The following NOVA1 variants were observed in gnomAD, a reference collection of about 807,000 sequenced individuals.
NOVA1 encodes the protein NOVA alternative splicing regulator 1.
In NOVA1, 7 loss-of-function variants were observed where a neutral mutation model predicts 38.0. The ratio of observed to expected loss-of-function variants is 0.18; its 90% confidence interval spans 0.10 to 0.35. The LOEUF is 0.35. Among genes scored for constraint, NOVA1 ranks in the 10% least tolerant of loss-of-function variants. The pLI, the probability that NOVA1 is intolerant of heterozygous loss-of-function variation, is 1.00. For synonymous variants in NOVA1, 270 were observed against 232.5 expected (o/e 1.16, Z -1.47); for missense variants, 460 against 616.0 (o/e 0.75, Z 2.68).
At chr14:26,522,051 ATG>A (rs1269221833) in intron 2 of NOVA1, among the ~76,000 whole-genome samples, 1 of 152,094 alleles carries the variant, frequency 6.6e-6, no homozygotes, top group Non-Finnish European at 1.5e-5. Flanking sequence ...TGAAAATGAA[ATG>A]TCTTTCACAA....
chr14:26,546,567 A>AT (rs1194908562), intron 2 of NOVA1, among the ~76,000 whole-genome samples: 1 of 152,180 alleles, frequency 6.6e-6, no homozygotes, highest in Non-Finnish European at 1.5e-5. Flanking sequence ...GCAATGAAAA[A>AT]TATATTGCCA....
chr14:26,496,874 C>T lies in NOVA1; in HGVS notation c.281-16731G>A, dbSNP rs571181429. On this transcript the variant is annotated intron_variant, in intron 2 of 4. Coordinates refer to ENST00000539517, the MANE Select transcript of NOVA1 (RefSeq NM_002515.3). Reference sequence around the variant, plus strand: ...CTATATCTCTGTTTTGGTACCAGTACCATGCTGTTTTGGTTACTGTAGCCT... The same window carrying T: ...CTATATCTCTGTTTTGGTACCAGTATCATGCTGTTTTGGTTACTGTAGCCT... 2.5e-3 allele frequency among the ~76,000 whole-genome samples: 384 copies of T among 152,160 alleles called. 1 individual carries two copies. The highest frequency in any genetic ancestry group is 8.7e-3 in the African/African-American group (363 of 41,498).
chr14:26,448,217 A>C lies in NOVA1; in HGVS notation c.1266T>G (p.Asp422Glu), dbSNP rs1303523026. Reference protein sequence around the residue: ...GTEKSTDGSKDVVEIAVPENL... With the variant: ...GTEKSTDGSKEVVEIAVPENL... ...TTTCTGGCACTGCTATTTCAACTAC[A>C]TCCTTGGATCCATCTGTGGACTTTT... The change falls in exon 5 of 5, where the codon GAT becomes GAG. Residue 422 changes from aspartate to glutamate, a missense_variant. Asp to Glu is a conservative substitution (Grantham distance 45). Coordinates refer to ENST00000539517, the MANE Select transcript of NOVA1 (RefSeq NM_002515.3). The surrounding 1 kb of genome is among the most constrained non-coding windows in gnomAD (Gnocchi z 5.3). 6.2e-7 allele frequency: 1 copy of C among 1,614,094 alleles called. No homozygotes were observed. Among genetic ancestry groups the C allele is most frequent in the Non-Finnish European group, 8.5e-7 (1 of 1,180,048 alleles).
intron 2 of NOVA1, among the ~76,000 whole-genome samples, chr14:26,545,113 T>C (rs1343602976): frequency 1.3e-5 from 2 of 152,094 alleles, no homozygotes; most frequent in Non-Finnish European, 2.9e-5. Context: ...ACAGAAACTC[T>C]TAAGTAGTGG....
intron 2 of NOVA1, among the ~76,000 whole-genome samples, chr14:26,537,458 A>T (rs1201032717): frequency 1.3e-5 from 2 of 152,144 alleles, no homozygotes; most frequent in East Asian, 3.9e-4. Flanking sequence ...AAGTTTTTTT[A>T]AATTTCAAAA....
intron 2 of NOVA1, among the ~76,000 whole-genome samples, chr14:26,551,355 C>T (rs914405349): frequency 6.6e-6 from 1 of 151,910 alleles, no homozygotes; most frequent in African/African-American, 2.4e-5. Flanking sequence ...CTATTATTAC[C>T]AGTAATAGTA....
In NOVA1 at chr14:26,502,574, A is replaced by G. The variant is rs1887315384; in HGVS notation, c.281-22431T>C. On this transcript the variant is annotated intron_variant, in intron 2 of 4. Coordinates refer to ENST00000539517, the MANE Select transcript of NOVA1 (RefSeq NM_002515.3). ...ATGTAAATCTAATTACAGGTTATGC[A>G]TATAACTGAGTTTCAACATAACATG... is the stretch of plus-strand genomic sequence containing the variant. Among the ~76,000 whole-genome samples the G allele has an allele frequency of 2.0e-5, 3 of 151,338 alleles. No individual in the cohort carries two copies. In the South Asian group the frequency reaches 6.3e-4, roughly 32 times the overall value.
At chr14:26,595,738 G>T (rs138106565) in intron 1 of NOVA1, 185 bp from the exon 2 acceptor site, 195 of 518,886 alleles carry the variant, frequency 3.8e-4, no homozygotes, top group African/African-American at 2.6e-3. Flanking sequence ...GGTACAAAAT[G>T]TTTCCCATTT....
chr14:26,471,430 AC>A (rs1326219937), intron 4 of NOVA1, among the ~76,000 whole-genome samples: 2 of 151,696 alleles, frequency 1.3e-5, no homozygotes, highest in African/African-American at 4.8e-5. Flanking sequence ...TATTTAAATA[AC>A]CCCATAAAGC....
At chr14:26,473,598 A>G (rs1286272368) in intron 3 of NOVA1, among the ~76,000 whole-genome samples, 2 of 151,996 alleles carry the variant, frequency 1.3e-5, no homozygotes, top group African/African-American at 4.8e-5. Flanking sequence ...TTTGCGTACA[A>G]TAAAGCCATT....
chr14:26,513,253 T>C (rs1888223875), intron 2 of NOVA1, among the ~76,000 whole-genome samples: 1 of 151,966 alleles, frequency 6.6e-6, no homozygotes, highest in African/African-American at 2.4e-5. Context: ...AAATTAATTC[T>C]GTAAGCTTGA....
At chr14:26,511,626 C>G (rs906439490) in intron 2 of NOVA1, among the ~76,000 whole-genome samples, 5 of 151,994 alleles carry the variant, frequency 3.3e-5, no homozygotes, top group Non-Finnish European at 7.4e-5. Context: ...GTGGTGCATG[C>G]CTGCAGTCCC....
chr14:26,465,767 A>G (rs931920246), intron 4 of NOVA1, among the ~76,000 whole-genome samples: 4 of 152,222 alleles, frequency 2.6e-5, no homozygotes, highest in African/African-American at 9.6e-5. Context: ...CATTCAACAA[A>G]TATTTACTGA....
chr14:26,591,752 T>A (rs1259406496), intron 2 of NOVA1, among the ~76,000 whole-genome samples: 3 of 151,588 alleles, frequency 2.0e-5, no homozygotes, highest in Non-Finnish European at 4.4e-5. Flanking sequence ...TTTCCTTCCC[T>A]ACAAAAAAAT....
At chr14:26,535,784 C>T (rs957711744) in intron 2 of NOVA1, among the ~76,000 whole-genome samples, 36 of 151,594 alleles carry the variant, frequency 2.4e-4, no homozygotes, top group Non-Finnish European at 7.4e-5. Context: ...GGTGAAAACC[C>T]GTCTCTACTA....
chr14:26,565,294 C>G (rs1263621565), intron 2 of NOVA1, among the ~76,000 whole-genome samples: 1 of 151,980 alleles, frequency 6.6e-6, no homozygotes, highest in African/African-American at 2.4e-5. Context: ...CAAAAGAGAC[C>G]CTGTGGAATT....
At chr14:26,574,539 T>A (rs1342857015) in intron 2 of NOVA1, among the ~76,000 whole-genome samples, 1 of 152,136 alleles carries the variant, frequency 6.6e-6, no homozygotes, top group Non-Finnish European at 1.5e-5. Context: ...AACAGTATTT[T>A]ATTAACAAAT....
chr14:26,461,248 AC>A (rs1183792491), intron 4 of NOVA1, among the ~76,000 whole-genome samples: 2 of 151,898 alleles, frequency 1.3e-5, no homozygotes, highest in Admixed American at 6.6e-5. Context: ...TATTTCATTA[AC>A]TCTTTCCCCT....
At chr14:26,461,315 C>A (rs565233416) in intron 4 of NOVA1, among the ~76,000 whole-genome samples, 12 of 152,216 alleles carry the variant, frequency 7.9e-5, no homozygotes, top group African/African-American at 2.9e-4. Flanking sequence ...AACTTAAAAA[C>A]GTCTTCATAT....
Sources: gnomAD v4.1 joint callset for allele counts (sites outside exome capture counted in the v4.1 genomes callset) on GRCh38, gnomAD v4.1.1 for gene constraint, Gnocchi (gnomAD v3.1) non-coding constraint, MANE v1.5 for transcripts, NCBI Gene and HGNC (gene_info 2026-07-23, HGNC 2026-07-21) for gene names.